The following PFKFB2 variants were observed in gnomAD, a reference collection of about 807,000 sequenced individuals.
PFKFB2 encodes 6-phosphofructo-2-kinase/fructose-2,6-biphosphatase 2, also known as 6-phosphofructo-2-kinase/fructose-2,6-bisphosphatase 2.
In PFKFB2, 53 loss-of-function variants were observed where a neutral mutation model predicts 68.0. That is an observed-to-expected ratio of 0.78 (90% CI 0.63 to 0.98). The LOEUF (loss-of-function observed/expected upper bound fraction) is 0.98, where lower values mean the gene tolerates loss of function less well. Ranked by LOEUF, PFKFB2 falls within the 50% of genes least tolerant of loss-of-function variation. The pLI is 0.00. For missense variants in PFKFB2, 451 were observed against 642.0 expected, an observed-to-expected ratio of 0.70 and a Z score of 3.22; for synonymous variants, 222 against 227.6, an observed-to-expected ratio of 0.98 and a Z score of 0.22.
rs747575332 is a variant in PFKFB2 at position 207,054,734 on chromosome 1, C to T, written c.17C>T (p.Ser6Phe). The T allele has an allele frequency of 1.2e-6, 2 of 1,613,606 alleles. No homozygotes were observed. The highest frequency in any genetic ancestry group is 8.5e-7 in the Non-Finnish European group (1 of 1,179,646). MSGASSSEQNNNSYET... is the reference protein window; with the variant it reads MSGASFSEQNNNSYET... ...AGAGCTGCCATGTCTGGGGCATCTT[C>T]CTCAGAACAGAACAACAACAGCTAT... The change falls in exon 2 of 15, where the codon TCC (serine) becomes TTC (phenylalanine). Residue 6 changes from serine to phenylalanine, a missense_variant. Transcript: ENST00000367080.
At chr1:207,040,122 T>C (rs2102315422) in intron 1 of PFKFB2, among the ~76,000 whole-genome samples, 1 of 152,288 alleles carries the variant, frequency 6.6e-6, no homozygotes, top group East Asian at 1.9e-4. Context: ...CAAGTTATGG[T>C]GATGTCTATA....
chr1:207,058,232 A>G (rs2102342013), intron 2 of PFKFB2, among the ~76,000 whole-genome samples: 1 of 152,368 alleles, frequency 6.6e-6, no homozygotes, highest in Admixed American at 6.5e-5. Context: ...CTGATGAATA[A>G]AGATAAAATG....
intron 1 of PFKFB2, among the ~76,000 whole-genome samples, chr1:207,041,907 A>C (rs187383645): frequency 6.6e-6 from 1 of 152,342 alleles, no homozygotes; most frequent in Non-Finnish European, 1.5e-5. Flanking sequence ...AACAGATTTT[A>C]AGATGATAGG....
Position 207,077,699 on chromosome 1 carries a change from A to G in PFKFB2, c.*5328A>G, listed in dbSNP as rs1316442771. 51 of 985,672 alleles carry G rather than the reference A, an allele frequency of 5.2e-5. No individual in the cohort carries two copies. Among genetic ancestry groups the G allele is most frequent in the Non-Finnish European group, 6.1e-5 (51 of 829,848 alleles). 61.1% of individuals were successfully genotyped at this position (985,672 alleles called of 1,614,324 possible). A position where few individuals can be genotyped will look rare whatever the true frequency, so the allele number is the denominator to read the frequency against. On this transcript the variant is annotated 3_prime_UTR_variant, in exon 15 of 15. Coordinates refer to ENST00000367080, the MANE Select transcript of PFKFB2 (RefSeq NM_006212.2). The stretch of plus-strand genomic sequence containing the variant: ...CAACATTCTGATTTAATCGGGTGAC[A>G]CTGATAACAAAGTATGCCACTCAGA...
Position 207,062,673 on chromosome 1 carries a change from G to A in PFKFB2, c.265G>A (p.Asp89Asn), listed in dbSNP as rs752423669. 2.6e-5 allele frequency: 42 copies of A among 1,614,028 alleles called. No homozygotes were observed. Among genetic ancestry groups the A allele is most frequent in the Non-Finnish European group, 3.4e-5 (40 of 1,180,032 alleles). ...REAVKSYKSY[D>N]FFRHDNEEAM... Reference sequence around the variant, plus strand: ...AGCAGTCAAGTCCTATAAGTCCTACGACTTCTTTCGGCATGACAATGAGGA... The same window carrying A: ...AGCAGTCAAGTCCTATAAGTCCTACAACTTCTTTCGGCATGACAATGAGGA... Residue 89 changes from aspartate to asparagine, a missense_variant, in exon 4 of 15, where the codon GAC (aspartate) becomes AAC (asparagine). Transcript: ENST00000367080.
At position 207,077,085 on chromosome 1, in the gene PFKFB2, C is replaced by T. The variant is rs1417065163; in HGVS notation, c.*4714C>T. The T allele has an allele frequency of 1.0e-6, 1 of 984,992 alleles. No individual in the cohort carries two copies. The highest frequency in any genetic ancestry group is 1.7e-5 in the African/African-American group (1 of 57,212). The allele number at this position is 984,992 out of a possible 1,614,324, so 61.0% of individuals were successfully genotyped here. A position where few individuals can be genotyped will look rare whatever the true frequency, so the allele number is the denominator to read the frequency against. ...TCACTTTTATGGTATTTTGTGAACT[C>T]AGCTAAGGGAATGCCTGTTCAGAGC... On this transcript the variant is annotated 3_prime_UTR_variant, in exon 15 of 15. Transcript: ENST00000367080.
rs1683526778 is a variant in PFKFB2, at chr1:207,073,422, A to G, written c.*1051A>G. 1 of 985,298 alleles carries G rather than the reference A, an allele frequency of 1.0e-6. No individual in the cohort carries two copies. The allele number at this position is 985,298 out of a possible 1,614,324, so 61.0% of individuals were successfully genotyped here. A position where few individuals can be genotyped will look rare whatever the true frequency, so the allele number is the denominator to read the frequency against. The stretch of plus-strand genomic sequence containing the variant: ...CAGTTAGATTCAGGAGTCACCACTG[A>G]TGTTTGAGTTGCTCAAGGCAAGAGG... On this transcript the variant is annotated 3_prime_UTR_variant, in exon 15 of 15. Coordinates refer to ENST00000367080, the MANE Select transcript of PFKFB2 (RefSeq NM_006212.2).
chr1:207,035,154 A>G, intron 1 of PFKFB2: 1 of 985,518 alleles, frequency 1.0e-6, no homozygotes, highest in South Asian at 4.7e-5. Flanking sequence ...ATTACAGCCC[A>G]GCTCACCTGA....
At chr1:207,057,771 T>A (rs1206755017) in intron 2 of PFKFB2, among the ~76,000 whole-genome samples, 3 of 152,230 alleles carry the variant, frequency 2.0e-5, no homozygotes, top group Non-Finnish European at 4.4e-5. Flanking sequence ...CATTTCCTTT[T>A]TTATTTTTTT....
At chr1:207,071,652 G>T in intron 14 of PFKFB2, 79 bp downstream of exon 14, 1 of 1,045,340 alleles carries the variant, frequency 9.6e-7, no homozygotes, top group South Asian at 1.3e-5. Flanking sequence ...AGAGACTGGG[G>T]TTTCTTTTAT....
At chr1:207,044,505 T>A (rs1682547386) in intron 2 of PFKFB2, 1 of 152,530 alleles carries the variant, frequency 6.6e-6, no homozygotes, top group African/African-American at 2.4e-5. Context: ...GATGATCCTT[T>A]CTGTTTACCT....
rs751494160 is a variant in PFKFB2 at position 207,068,110 on chromosome 1, G to GTGTGTGTGTA, written c.841-46_841-45insGTATGTGTGT. On this transcript the variant is annotated intron_variant, in intron 9 of 14. Transcript: ENST00000367080. ...GTGTGTGTTGAGTGTGTGTGTGTGT[G>GTGTGTGTGTA]TGTGTGTCTGTGTGTTTTCTTTTTA... is the stretch of plus-strand genomic sequence containing the variant. 6.7e-4 allele frequency: 971 copies of GTGTGTGTGTA among 1,448,588 alleles called. 4 individuals are homozygous for GTGTGTGTGTA. The highest frequency in any genetic ancestry group is 6.2e-3 in the South Asian group (495 of 80,066). The allele number at this position is 1,448,588 out of a possible 1,614,324, so 89.7% of individuals were successfully genotyped here. A position where few individuals can be genotyped will look rare whatever the true frequency, so the allele number is the denominator to read the frequency against.
rs1565 is a variant in PFKFB2, at chr1:207,077,225, A to G, written c.*4854A>G. 0.47 allele frequency: 464,122 copies of G among 984,260 alleles called. 110,886 individuals are homozygous for G. The highest frequency in any genetic ancestry group is 0.74 in the East Asian group (6,548 of 8,804). The allele number at this position is 984,260 out of a possible 1,614,324, so 61.0% of individuals were successfully genotyped here. On this transcript the variant is annotated 3_prime_UTR_variant, in exon 15 of 15. Coordinates refer to ENST00000367080, the MANE Select transcript of PFKFB2 (RefSeq NM_006212.2). Reference sequence around the variant, plus strand: ...TGTGTCCCCAGCTTACCCTGTTCTGAAATGTTGTATTCCATTGGACAGGGC... The same window carrying G: ...TGTGTCCCCAGCTTACCCTGTTCTGGAATGTTGTATTCCATTGGACAGGGC...
At chr1:207,044,476 T>C (rs765081736) in intron 2 of PFKFB2, 3 of 152,534 alleles carry the variant, frequency 2.0e-5, no homozygotes, top group Non-Finnish European at 2.9e-5. Context: ...TGTAATCATA[T>C]TAGAAATTCT....
intron 7 of PFKFB2, among the ~76,000 whole-genome samples, chr1:207,064,031 G>A (rs192051497): frequency 2.8e-4 from 43 of 152,322 alleles, no homozygotes; most frequent in African/African-American, 1.0e-3. Context: ...CTTCTCTTGG[G>A]AGAGGAAACT....
At chr1:207,057,879 T>C (rs1168590060) in intron 2 of PFKFB2, among the ~76,000 whole-genome samples, 1 of 152,184 alleles carries the variant, frequency 6.6e-6, no homozygotes, top group Non-Finnish European at 1.5e-5. Context: ...CACGGATAGG[T>C]ATTTAAATTG....
chr1:207,069,977 T>A lies in PFKFB2; in HGVS notation c.1093-303T>A, dbSNP rs112640250. On this transcript the variant is annotated intron_variant, in intron 11 of 14. Transcript: ENST00000367080. The stretch of plus-strand genomic sequence containing the variant: ...CAGAGGTACAGGAAACCCCTAGGAG[T>A]CTCTTGTCTCACTGCCTGTATTAAT... 5.9e-3 allele frequency among the ~76,000 whole-genome samples: 890 copies of A among 151,638 alleles called. 14 individuals are homozygous for A. The highest frequency in any genetic ancestry group is 0.021 in the African/African-American group (861 of 41,354).
At chr1:207,060,276 C>A (rs12134333) in intron 2 of PFKFB2, among the ~76,000 whole-genome samples, 51,447 of 152,168 alleles carry the variant, frequency 0.34, 9,477 homozygotes, top group Middle Eastern at 0.47. Context: ...CACCTGTCCC[C>A]TGAACATGTA....
chr1:207,077,466 A>G lies in PFKFB2; in HGVS notation c.*5095A>G. Reference sequence around the variant, plus strand: ...TTTTTTATTATATTGACCTAACAAGAAGATCAACTTATGCTGGTATGGTGA... The same window carrying G: ...TTTTTTATTATATTGACCTAACAAGGAGATCAACTTATGCTGGTATGGTGA... On this transcript the variant is annotated 3_prime_UTR_variant, in exon 15 of 15. Transcript: ENST00000367080. 2.0e-6 allele frequency: 2 copies of G among 985,350 alleles called. No homozygotes were observed. The highest frequency in any genetic ancestry group is 4.7e-5 in the South Asian group (1 of 21,280). 61.0% of individuals were successfully genotyped at this position (985,350 alleles called of 1,614,324 possible). A position where few individuals can be genotyped will look rare whatever the true frequency, so the allele number is the denominator to read the frequency against.
Sources: gnomAD v4.1 joint callset for allele counts (sites outside exome capture counted in the v4.1 genomes callset) on GRCh38, gnomAD v4.1.1 for gene constraint, MANE v1.5 for transcripts, NCBI Gene and HGNC (gene_info 2026-07-23, HGNC 2026-07-21) for gene names.